IGF1R: variants seen among roughly 807,000 people sequenced by gnomAD.
IGF1R encodes the protein insulin like growth factor 1 receptor.
Under a neutral mutation model 144.6 loss-of-function variants are expected in IGF1R, and 44 were observed. The observed-to-expected ratio is 0.30, with a 90% CI of 0.24 to 0.39. The LOEUF is 0.39. Among genes scored for constraint, IGF1R ranks in the 10% least tolerant of loss-of-function variants. IGF1R has a pLI of 1.00. For missense variants in IGF1R, 1,355 were observed against 1,833.7 expected (o/e 0.74, Z 4.77); for synonymous variants, 795 against 722.8 (o/e 1.10, Z -1.60).
intron 11 of IGF1R, 144 bp from the exon 12 acceptor site, chr15:98,923,732 G>A (rs941479955): frequency 1.4e-5 from 10 of 716,920 alleles, no homozygotes; most frequent in Non-Finnish European, 2.5e-5. Flanking sequence ...TGCCCGCGTG[G>A]ATGGGGGCGT....
intron 1 of IGF1R, among the ~76,000 whole-genome samples, chr15:98,698,189 G>A (rs1399706045): frequency 6.7e-6 from 1 of 148,504 alleles, no homozygotes; most frequent in Non-Finnish European, 1.5e-5. Context: ...CAGGCGCCAG[G>A]CACCATGCCT....
intron 2 of IGF1R, among the ~76,000 whole-genome samples, chr15:98,745,723 GC>G (rs1170178469): frequency 6.6e-6 from 1 of 151,942 alleles, no homozygotes. Context: ...CTGTTCCGAG[GC>G]TTAAAGCTGC....
Position 98,707,467 on chromosome 15 carries a change from C to A in IGF1R, c.95-95C>A. The A allele has an allele frequency of 8.1e-7, 1 of 1,230,500 alleles. No homozygotes were observed. Among genetic ancestry groups the A allele is most frequent in the Non-Finnish European group, 1.2e-6 (1 of 856,014 alleles). 76.2% of individuals were successfully genotyped at this position (1,230,500 alleles called of 1,614,324 possible). ...GAACCTCATTTCTTTAATAATAATA[C>A]AGGATTCCTGAAAACCAACTGTATT... On this transcript the variant is annotated intron_variant, in intron 1 of 20. Coordinates refer to ENST00000650285, the MANE Select transcript of IGF1R (RefSeq NM_000875.5). This position sits in a 1 kb window ranked among gnomAD's most constrained non-coding sequence, Gnocchi z 6.7.
At chr15:98,853,764 C>G (rs778181458) in intron 2 of IGF1R, among the ~76,000 whole-genome samples, 1 of 152,204 alleles carries the variant, frequency 6.6e-6, no homozygotes, top group Admixed American at 6.5e-5. Context: ...CGTCTCAGCC[C>G]CTGCGGCCCC....
rs1304154963 is a variant in IGF1R, at chr15:98,649,671, A to G, written c.90A>G (p.Gly30=). The change falls in exon 1 of 21, where the codon GGA becomes GGG. Residue 30 remains glycine, a synonymous_variant. Coordinates refer to ENST00000650285, the MANE Select transcript of IGF1R (RefSeq NM_000875.5). ...SAALSLWPTS[G]EICGPGIDIR... ...CGCTCTCGCTCTGGCCGACGAGTGG[A>G]GAAAGTGAGTATGTGCCCGCCGCCC... 6.2e-7 allele frequency: 1 copy of G among 1,608,224 alleles called. No homozygotes were observed. Among genetic ancestry groups the G allele is most frequent in the Non-Finnish European group, 8.5e-7 (1 of 1,177,220 alleles).
chr15:98,762,668 C>T (rs184482186), intron 2 of IGF1R, among the ~76,000 whole-genome samples: 11 of 151,882 alleles, frequency 7.2e-5, no homozygotes, highest in Admixed American at 7.2e-4. Flanking sequence ...GTGGAGGTTG[C>T]AGTGAACCGA....
In IGF1R at chr15:98,961,614, C is replaced by T. The variant is rs2654980; in HGVS notation, c.*4172C>T. The stretch of plus-strand genomic sequence containing the variant: ...AACCTCCTTCTGCCAGCAGCTCACA[C>T]TGCTTGAAGTCATATGAACCACTGA... On this transcript the variant is annotated 3_prime_UTR_variant, in exon 21 of 21. Coordinates refer to ENST00000650285, the MANE Select transcript of IGF1R (RefSeq NM_000875.5). The T allele has an allele frequency of 0.18, 42,204 of 233,600 alleles. 4,371 individuals carry two copies. Among genetic ancestry groups the T allele is most frequent in the Non-Finnish European group, 0.24 (27,968 of 118,024 alleles). 14.5% of individuals were successfully genotyped at this position (233,600 alleles called of 1,614,324 possible). A position where few individuals can be genotyped will look rare whatever the true frequency, so the allele number is the denominator to read the frequency against.
At chr15:98,668,350 A>G (rs1205577851) in intron 1 of IGF1R, among the ~76,000 whole-genome samples, 1 of 152,186 alleles carries the variant, frequency 6.6e-6, no homozygotes, top group Non-Finnish European at 1.5e-5. Context: ...AGTGTGCCAT[A>G]GTGAAGGGAT....
At chr15:98,927,133 C>CTTGTA in intron 13 of IGF1R, among the ~76,000 whole-genome samples, 1 of 152,246 alleles carries the variant, frequency 6.6e-6, no homozygotes, top group Admixed American at 6.5e-5. Flanking sequence ...GCCAGGATGC[C>CTTGTA]AGTGGGAAAT....
chr15:98,796,751 G>A (rs2056252078), intron 2 of IGF1R, among the ~76,000 whole-genome samples: 4 of 152,198 alleles, frequency 2.6e-5, no homozygotes, highest in East Asian at 1.9e-4. Flanking sequence ...ATGCACACAC[G>A]GACACGAATA....
intron 2 of IGF1R, among the ~76,000 whole-genome samples, chr15:98,746,950 T>A (rs1323944944): frequency 6.6e-6 from 1 of 152,180 alleles, no homozygotes; most frequent in Non-Finnish European, 1.5e-5. Context: ...TTACATCATA[T>A]CTCTTGAGTT....
At position 98,957,068 on chromosome 15, in the gene IGF1R, C is replaced by G; in HGVS notation, c.3730C>G (p.Leu1244Val). 1.2e-6 allele frequency: 2 copies of G among 1,614,222 alleles called. No individual in the cohort carries two copies. The highest frequency in any genetic ancestry group is 1.7e-6 in the Non-Finnish European group (2 of 1,180,044). Residue 1244 changes from leucine (L) to valine (V), a missense_variant, in exon 21 of 21, where the codon CTG (leucine) becomes GTG (valine). Around this residue, in one of 7 missense-constraint regions of IGF1R, gnomAD observed 219 missense variants for 188.8 expected, o/e 1.16. Coordinates refer to ENST00000650285, the MANE Select transcript of IGF1R (RefSeq NM_000875.5). ...PDNCPDMLFE[L>V]MRMCWQYNPK... ...CGTGTGTCTTGGCTGCAGGTTTGAA[C>G]TGATGCGCATGTGCTGGCAGTATAA...
intron 1 of IGF1R, among the ~76,000 whole-genome samples, chr15:98,680,864 C>CTT (rs71149411): frequency 0.32 from 44,834 of 142,166 alleles, 7,609 homozygotes; most frequent in East Asian, 0.52. Context: ...GCCATATGTA[C>CTT]TTTTTTTTTT....
Position 98,787,737 on chromosome 15 carries a change from C to T in IGF1R, c.640+79630C>T, listed in dbSNP as rs1216951849. 7.2e-5 allele frequency among the ~76,000 whole-genome samples: 11 copies of T among 152,158 alleles called. No individual in the cohort carries two copies. The East Asian group carries it at 9.6e-4, about 13-fold the overall frequency. ...AGTACTTTGCAGAAACTTCTATTAC[C>T]GCAATTACTTTTGCACCAACAAATA... On this transcript the variant is annotated intron_variant, in intron 2 of 20. Coordinates refer to ENST00000650285, the MANE Select transcript of IGF1R (RefSeq NM_000875.5).
intron 1 of IGF1R, among the ~76,000 whole-genome samples, chr15:98,660,031 T>G (rs1473944262): frequency 1.3e-5 from 2 of 152,266 alleles, no homozygotes; most frequent in Non-Finnish European, 1.5e-5. Context: ...TCTTTCTTGC[T>G]GAGATTACAC....
intron 5 of IGF1R, among the ~76,000 whole-genome samples, chr15:98,901,099 A>G (rs1204254254): frequency 6.6e-6 from 1 of 152,246 alleles, no homozygotes; most frequent in East Asian, 1.9e-4. Flanking sequence ...AAGAATATTT[A>G]TGATGTCTTT....
intron 4 of IGF1R, among the ~76,000 whole-genome samples, chr15:98,898,451 G>A (rs1195316916): frequency 6.6e-6 from 1 of 152,174 alleles, no homozygotes; most frequent in Non-Finnish European, 1.5e-5. Flanking sequence ...TCCTGATCTT[G>A]ACTAAGGCAT....
chr15:98,902,415 C>CTTTTT (rs11434197), intron 5 of IGF1R, among the ~76,000 whole-genome samples: 4 of 119,844 alleles, frequency 3.3e-5, no homozygotes, highest in Non-Finnish European at 6.8e-5. Context: ...TTTTCTTGAA[C>CTTTTT]TTTTTTTTTT....
intron 1 of IGF1R, among the ~76,000 whole-genome samples, chr15:98,655,638 GT>G (rs529798619): frequency 1.2e-3 from 174 of 149,106 alleles, no homozygotes; most frequent in African/African-American, 4.1e-3. Flanking sequence ...TTACTGCCAT[GT>G]TTATTAAAAA....
Sources: gnomAD v4.1 joint callset for allele counts (sites outside exome capture counted in the v4.1 genomes callset) on GRCh38, gnomAD v4.1.1 for gene constraint, gnomAD v4.1.1 regional missense constraint, Gnocchi (gnomAD v3.1) non-coding constraint, MANE v1.5 for transcripts, NCBI Gene and HGNC (gene_info 2026-07-23, HGNC 2026-07-21) for gene names.